The following BCAS3 variants were observed in gnomAD, a reference collection of about 807,000 sequenced individuals.
BCAS3 encodes BCAS4/BCAS3 fusion.
In BCAS3, 53 loss-of-function variants were observed where a neutral mutation model predicts 116.1. That is an observed-to-expected ratio of 0.46 (90% CI 0.37 to 0.57). BCAS3 has a LOEUF of 0.57. Ranked by LOEUF, BCAS3 falls within the 20% of genes least tolerant of loss-of-function variation. The probability of loss-of-function intolerance (pLI) is 0.00; values close to 1 mark genes in which losing one functional copy is unlikely to be tolerated. For synonymous variants in BCAS3, 391 were observed against 408.2 expected (o/e 0.96, Z 0.51); for missense variants, 917 against 1,165.4 (o/e 0.79, Z 3.10).
chr17:60,749,849 A>G (rs2042300560), intron 6 of BCAS3, among the ~76,000 whole-genome samples: 1 of 152,212 alleles, frequency 6.6e-6, no homozygotes, highest in Admixed American at 6.5e-5. Context: ...TTATTCCAGG[A>G]ATACAATGTT....
In BCAS3 at chr17:61,171,561, T is replaced by C. The variant is rs958639629; in HGVS notation, c.2425+86997T>C. Reference sequence around the variant, plus strand: ...CTTGCCCATAAAAATCTCACCTAAATATAAAGACATGAATAGGACAAAAGT... The same window carrying C: ...CTTGCCCATAAAAATCTCACCTAAACATAAAGACATGAATAGGACAAAAGT... On this transcript the variant is annotated intron_variant, in intron 22 of 23. Transcript: ENST00000407086. The surrounding 1 kb of genome is among the most constrained non-coding windows in gnomAD (Gnocchi z 4.1). Among the ~76,000 whole-genome samples the C allele has an allele frequency of 6.6e-6, 1 of 152,036 alleles. No individual in the cohort carries two copies. The highest frequency in any genetic ancestry group is 1.5e-5 in the Non-Finnish European group (1 of 67,988).
At chr17:61,062,898 C>T (rs2070214690) in intron 19 of BCAS3, among the ~76,000 whole-genome samples, 1 of 152,136 alleles carries the variant, frequency 6.6e-6, no homozygotes, top group South Asian at 2.1e-4. Flanking sequence ...GTAGATGCCT[C>T]ATGATTTCCC....
At chr17:61,157,614 C>T (rs1314761786) in intron 22 of BCAS3, 2 of 149,634 alleles carry the variant, frequency 1.3e-5, no homozygotes, top group Admixed American at 1.3e-4. Context: ...CCCCACCCGC[C>T]CCCATTCCCA....
At chr17:61,268,793 GA>G (rs1352252358) in intron 22 of BCAS3, among the ~76,000 whole-genome samples, 3 of 152,114 alleles carry the variant, frequency 2.0e-5, no homozygotes, top group African/African-American at 7.2e-5. Flanking sequence ...CCTGACCTCA[GA>G]TGATCTGCCC....
In BCAS3 at chr17:61,037,173, A is replaced by G. The variant is rs935445156; in HGVS notation, c.1763-716A>G. 2.0e-5 allele frequency among the ~76,000 whole-genome samples: 3 copies of G among 152,224 alleles called. No individual in the cohort carries two copies. The highest frequency in any genetic ancestry group is 7.2e-5 in the African/African-American group (3 of 41,464). The stretch of plus-strand genomic sequence containing the variant: ...GACATTAGGCTGATTTAGGCATACA[A>G]CTAACCTTTCATGCAAGTCATTTGG... On this transcript the variant is annotated intron_variant, in intron 17 of 23. Coordinates refer to ENST00000407086, the MANE Select transcript of BCAS3 (RefSeq NM_017679.5). The surrounding 1 kb of genome is among the most constrained non-coding windows in gnomAD (Gnocchi z 4.7).
Position 61,379,781 on chromosome 17 carries a change from T to C in BCAS3, c.2593+11287T>C, listed in dbSNP as rs901845677. The C allele has an allele frequency of 2.0e-5, 3 of 152,646 alleles. No homozygotes were observed. The highest frequency in any genetic ancestry group is 4.8e-5 in the African/African-American group (2 of 41,434). The allele number at this position is 152,646 out of a possible 1,614,324, so 9.5% of individuals were successfully genotyped here. On this transcript the variant is annotated intron_variant, in intron 23 of 23. Coordinates refer to ENST00000407086, the MANE Select transcript of BCAS3 (RefSeq NM_017679.5). The surrounding 1 kb of genome is among the most constrained non-coding windows in gnomAD (Gnocchi z 5.5). ...CAGTTCCACCCCTCTGCACCCTTCA[T>C]TGAGTTTTGGGAGAAGCGCCATCCA...
rs1249707975 is a variant in BCAS3 at position 61,065,769 on chromosome 17, A to G, written c.2030-9151A>G. Among the ~76,000 whole-genome samples, 1 of 152,204 alleles carries G rather than the reference A, an allele frequency of 6.6e-6. No individual in the cohort carries two copies. Among genetic ancestry groups the G allele is most frequent in the Non-Finnish European group, 1.5e-5 (1 of 68,030 alleles). On this transcript the variant is annotated intron_variant, in intron 19 of 23. Transcript: ENST00000407086. This position sits in a 1 kb window ranked among gnomAD's most constrained non-coding sequence, Gnocchi z 4.8. Reference sequence around the variant, plus strand: ...GAATCTGAAGAATTCCACTGCCCATATAAAACTCAGCTGCCAGTAGGACCC... The same window carrying G: ...GAATCTGAAGAATTCCACTGCCCATGTAAAACTCAGCTGCCAGTAGGACCC...
chr17:61,206,491 T>TG (rs1470374408), intron 22 of BCAS3, among the ~76,000 whole-genome samples: 1 of 152,116 alleles, frequency 6.6e-6, no homozygotes, highest in Non-Finnish European at 1.5e-5. Flanking sequence ...CTAAACTGCA[T>TG]TTTTAGATTA....
At chr17:61,027,865 G>C (rs971687218) in intron 16 of BCAS3, among the ~76,000 whole-genome samples, 1 of 151,848 alleles carries the variant, frequency 6.6e-6, no homozygotes, top group Non-Finnish European at 1.5e-5. Flanking sequence ...AATGTTAGCT[G>C]CTACCACTGT....
chr17:61,304,128 A>C (rs936246336), intron 22 of BCAS3, among the ~76,000 whole-genome samples: 2 of 152,060 alleles, frequency 1.3e-5, no homozygotes, highest in African/African-American at 2.4e-5. Context: ...ATAGTTCTCA[A>C]ATTTGCTCTT....
At chr17:60,716,022 C>T (rs947168271) in intron 5 of BCAS3, among the ~76,000 whole-genome samples, 2 of 151,930 alleles carry the variant, frequency 1.3e-5, no homozygotes, top group Non-Finnish European at 2.9e-5. Context: ...GCCACCACAC[C>T]CAGCTAATTT....
chr17:60,715,384 G>C (rs943613290), intron 5 of BCAS3, among the ~76,000 whole-genome samples: 2 of 151,708 alleles, frequency 1.3e-5, no homozygotes, highest in African/African-American at 4.9e-5. Flanking sequence ...TGATCTGCCT[G>C]CCTAGACCTC....
intron 22 of BCAS3, among the ~76,000 whole-genome samples, chr17:61,147,987 AG>A (rs200895272): frequency 5.7e-3 from 15 of 2,612 alleles, no homozygotes; most frequent in Non-Finnish European, 0.035. Context: ...ACTCTGTCTC[AG>A]AAAAAAAAAG....
intron 12 of BCAS3, among the ~76,000 whole-genome samples, chr17:60,915,583 G>A (rs986817242): frequency 2.1e-5 from 3 of 139,874 alleles, no homozygotes; most frequent in Non-Finnish European, 4.4e-5. Context: ...TATGCAAATT[G>A]AATAATACAT....
At chr17:60,807,091 T>A (rs2048347056) in intron 6 of BCAS3, among the ~76,000 whole-genome samples, 1 of 152,146 alleles carries the variant, frequency 6.6e-6, no homozygotes, top group South Asian at 2.1e-4. Flanking sequence ...GATATTTTTG[T>A]TATTTTTTTT....
chr17:61,101,074 A>G (rs185459079), intron 22 of BCAS3, among the ~76,000 whole-genome samples: 13 of 152,216 alleles, frequency 8.5e-5, no homozygotes, highest in Admixed American at 5.9e-4. Context: ...ATTTATATTT[A>G]TTCTTTTTAT....
At chr17:61,080,617 G>A (rs559388130) in intron 21 of BCAS3, among the ~76,000 whole-genome samples, 17 of 152,066 alleles carry the variant, frequency 1.1e-4, no homozygotes, top group African/African-American at 2.2e-4. Context: ...AAAATTAGCC[G>A]GGCATGGTGG....
chr17:60,997,312 C>T (rs1421400725), intron 15 of BCAS3, among the ~76,000 whole-genome samples: 1 of 152,152 alleles, frequency 6.6e-6, no homozygotes, highest in Non-Finnish European at 1.5e-5. Context: ...AGACATATGT[C>T]TTTGATAAGA....
chr17:61,146,917 T>TA (rs998270970), intron 22 of BCAS3, among the ~76,000 whole-genome samples: 4 of 152,046 alleles, frequency 2.6e-5, no homozygotes, highest in Non-Finnish European at 5.9e-5. Context: ...TTTTTTAATT[T>TA]AAAAAAAATT....
Sources: gnomAD v4.1 joint callset for allele counts (sites outside exome capture counted in the v4.1 genomes callset) on GRCh38, gnomAD v4.1.1 for gene constraint, Gnocchi (gnomAD v3.1) non-coding constraint, MANE v1.5 for transcripts, NCBI Gene and HGNC (gene_info 2026-07-23, HGNC 2026-07-21) for gene names.